Variants in TFAP2D observed in about 807,000 individuals in gnomAD.
The protein encoded by TFAP2D is transcription factor AP-2 delta, also known as transcription factor AP-2-delta.
Under a neutral mutation model 43.6 loss-of-function variants are expected in TFAP2D, and 9 were observed. The ratio of observed to expected loss-of-function variants is 0.21; its 90% CI spans 0.12 to 0.36. The LOEUF (loss-of-function observed/expected upper bound fraction) is 0.36, where lower values mean the gene tolerates loss of function less well. TFAP2D is among the 10% of genes least tolerant of loss of function. The pLI is 1.00. For synonymous variants in TFAP2D, 256 were observed against 224.9 expected, an observed-to-expected ratio of 1.14 and a Z score of -1.24; for missense variants, 513 against 561.4, an observed-to-expected ratio of 0.91 and a Z score of 0.87.
chr6:50,715,131 T>C lies in TFAP2D; in HGVS notation c.55T>C (p.Ser19Pro). ...TTCCTTCCAGATACGTCACGACGGA[T>C]CAAACAGCTACCGTTTGATGCAGCT... ...VHDAEIRHDG[S>P]NSYRLMQLGC... The change falls in exon 2 of 8, where the codon TCA (serine) becomes CCA (proline). Residue 19 changes from serine (S) to proline (P), a missense_variant. Ser to Pro is a moderately conservative substitution (Grantham distance 74, BLOSUM62 -1). Coordinates refer to ENST00000008391, the MANE Select transcript of TFAP2D (RefSeq NM_172238.4). The C allele has an allele frequency of 1.9e-6, 3 of 1,613,992 alleles. No homozygotes were observed. Among genetic ancestry groups the C allele is most frequent in the Non-Finnish European group, 2.5e-6 (3 of 1,179,982 alleles).
intron 7 of TFAP2D, among the ~76,000 whole-genome samples, chr6:50,766,422 G>A (rs1410819867): frequency 6.6e-6 from 1 of 151,926 alleles, no homozygotes; most frequent in African/African-American, 2.4e-5. Context: ...TTTGGTAGGG[G>A]TTGCACTGAA....
intron 6 of TFAP2D, among the ~76,000 whole-genome samples, chr6:50,747,715 G>A (rs191374353): frequency 5.5e-4 from 84 of 152,158 alleles, no homozygotes; most frequent in Admixed American, 1.8e-3. Context: ...TTTAATAGAA[G>A]TAAATGCTAG....
At chr6:50,738,662 C>T (rs1768995856) in intron 5 of TFAP2D, among the ~76,000 whole-genome samples, 1 of 152,138 alleles carries the variant, frequency 6.6e-6, no homozygotes, top group African/African-American at 2.4e-5. Flanking sequence ...TCCCTACTAA[C>T]TTTAAGTGCA....
intron 5 of TFAP2D, among the ~76,000 whole-genome samples, chr6:50,736,376 G>A (rs185139043): frequency 7.9e-5 from 12 of 152,012 alleles, no homozygotes; most frequent in Admixed American, 6.6e-4. Context: ...ATTAGGTTTC[G>A]TATCATTCAT....
chr6:50,757,343 GAGAATATATGTAATTATTCTATATAT>G (rs1769287416), intron 7 of TFAP2D, among the ~76,000 whole-genome samples: 1 of 134,976 alleles, frequency 7.4e-6, no homozygotes, highest in South Asian at 2.3e-4. Context: ...TATCTATATA[GAGAATATATGTAATTATTCTATATAT>G]AGAATACATG....
At chr6:50,714,233 C>T in intron 1 of TFAP2D, 139 bp downstream of exon 1, 3 of 1,003,992 alleles carry the variant, frequency 3.0e-6, no homozygotes, top group Non-Finnish European at 4.3e-6. Context: ...TATAATCTGT[C>T]TTTCGGGGGA....
rs1769557656 is a variant in TFAP2D at position 50,772,964 on chromosome 6, T to C, written c.*100T>C. The C allele has an allele frequency of 9.1e-7, 1 of 1,097,494 alleles. No individual in the cohort carries two copies. The highest frequency in any genetic ancestry group is 1.3e-6 in the Non-Finnish European group (1 of 785,934). 68.0% of individuals were successfully genotyped at this position (1,097,494 alleles called of 1,614,324 possible). A position where few individuals can be genotyped will look rare whatever the true frequency, so the allele number is the denominator to read the frequency against. On this transcript the variant is annotated 3_prime_UTR_variant, in exon 8 of 8. Coordinates refer to ENST00000008391, the MANE Select transcript of TFAP2D (RefSeq NM_172238.4). ...ACTAATCTTCAGTGGACCAAATCTC[T>C]ACCCTTCCCCAACCCTCCATAAAAA...
intron 3 of TFAP2D, 65 bp from the exon 4 acceptor site, chr6:50,728,791 C>A: frequency 6.6e-7 from 1 of 1,520,058 alleles, no homozygotes. Flanking sequence ...TTGATGTTAA[C>A]TGCCTCTCAT....
At chr6:50,719,489 GAAAGAAAGAAA>G (rs1167930012) in intron 3 of TFAP2D, among the ~76,000 whole-genome samples, 3 of 138,732 alleles carry the variant, frequency 2.2e-5, no homozygotes, top group African/African-American at 7.5e-5. Context: ...AAGAAAGAAA[GAAAGAAAGAAA>G]GAAGTTTCTC....
chr6:50,727,666 C>A (rs555694336), intron 3 of TFAP2D, among the ~76,000 whole-genome samples: 1 of 152,332 alleles, frequency 6.6e-6, no homozygotes, highest in African/African-American at 2.4e-5. Flanking sequence ...AACCTCTTTT[C>A]TCTCATAGAA....
chr6:50,770,756 C>T (rs1387128123), intron 7 of TFAP2D, among the ~76,000 whole-genome samples: 4 of 151,954 alleles, frequency 2.6e-5, no homozygotes, highest in Non-Finnish European at 5.9e-5. Flanking sequence ...AGAAAGAAAA[C>T]TATAGGTAGC....
intron 5 of TFAP2D, among the ~76,000 whole-genome samples, chr6:50,744,335 A>G (rs1769094875): frequency 6.6e-6 from 1 of 152,126 alleles, no homozygotes; most frequent in Non-Finnish European, 1.5e-5. Context: ...TACTTAGGAT[A>G]ATGGCCTCCA....
intron 7 of TFAP2D, among the ~76,000 whole-genome samples, chr6:50,754,297 C>T (rs182792975): frequency 1.1e-3 from 167 of 151,756 alleles, no homozygotes; most frequent in Admixed American, 1.8e-3. Flanking sequence ...TAGCATGTGT[C>T]AAAATTTTCT....
chr6:50,760,051 A>G (rs577171452), intron 7 of TFAP2D, among the ~76,000 whole-genome samples: 8 of 152,032 alleles, frequency 5.3e-5, no homozygotes, highest in Admixed American at 2.0e-4. Context: ...TATTATACCT[A>G]TCTTGAAGTA....
chr6:50,749,503 C>T (rs765825208), intron 6 of TFAP2D, among the ~76,000 whole-genome samples: 4 of 151,674 alleles, frequency 2.6e-5, no homozygotes, highest in African/African-American at 9.7e-5. Flanking sequence ...AAGAATGGAT[C>T]GTAATGATGA....
Position 50,772,948 on chromosome 6 carries a change from CAGTGG to C in TFAP2D, c.*86_*90del, listed in dbSNP as rs1242714953. On this transcript the variant is annotated 3_prime_UTR_variant, in exon 8 of 8. Transcript: ENST00000008391. ...TATATCATTGAGGGTGACTAATCTT[CAGTGG>C]ACCAAATCTCTACCCTTCCCCAACC... 1.6e-6 allele frequency: 2 copies of C among 1,274,778 alleles called. No homozygotes were observed. The highest frequency in any genetic ancestry group is 3.0e-5 in the African/African-American group (2 of 66,468). 79.0% of individuals were successfully genotyped at this position (1,274,778 alleles called of 1,614,324 possible). A position where few individuals can be genotyped will look rare whatever the true frequency, so the allele number is the denominator to read the frequency against.
chr6:50,768,324 T>C (rs1201687565), intron 7 of TFAP2D, among the ~76,000 whole-genome samples: 2 of 146,118 alleles, frequency 1.4e-5, no homozygotes, highest in African/African-American at 5.1e-5. Flanking sequence ...CCTTTTCTTT[T>C]TTCTCTCCCT....
chr6:50,769,367 C>T (rs1276589502), intron 7 of TFAP2D, among the ~76,000 whole-genome samples: 1 of 152,166 alleles, frequency 6.6e-6, no homozygotes, highest in Non-Finnish European at 1.5e-5. Flanking sequence ...TCACGAAGTG[C>T]CTGACGTCAA....
At chr6:50,772,002 T>A (rs539903108) in intron 7 of TFAP2D, among the ~76,000 whole-genome samples, 11 of 152,224 alleles carry the variant, frequency 7.2e-5, no homozygotes, top group African/African-American at 2.6e-4. Flanking sequence ...CAAATGTCCA[T>A]CAATGATAGA....
Sources: gnomAD v4.1 joint callset for allele counts (sites outside exome capture counted in the v4.1 genomes callset) on GRCh38, gnomAD v4.1.1 for gene constraint, MANE v1.5 for transcripts, NCBI Gene and HGNC (gene_info 2026-07-23, HGNC 2026-07-21) for gene names.